Variants in KIF3A observed in about 807,000 individuals in gnomAD.
KIF3A encodes kinesin-like protein KIF3A.
A neutral mutation model predicts 92.6 loss-of-function variants in KIF3A; 27 were observed. The ratio of observed to expected loss-of-function variants is 0.29; its 90% CI spans 0.21 to 0.40. The LOEUF is 0.40. Ranked by LOEUF, KIF3A falls within the 10% of genes least tolerant of loss-of-function variation. KIF3A has a pLI of 1.00. For synonymous variants in KIF3A, 250 were observed against 275.4 expected (o/e 0.91, Z 0.92); for missense variants, 581 against 872.6 (o/e 0.67, Z 4.21).
At position 132,734,395 on chromosome 5, in the gene KIF3A, T is replaced by C; in HGVS notation, c.90A>G (p.Ser30=). 2 of 1,614,184 alleles carry C rather than the reference T, an allele frequency of 1.2e-6. No homozygotes were observed. The highest frequency in any genetic ancestry group is 2.2e-5 in the South Asian group (2 of 91,074). Residue 30 remains serine, a synonymous_variant, in exon 2 of 19, where the codon TCA becomes TCG. Coordinates refer to ENST00000403231, the MANE Select transcript of KIF3A (RefSeq NM_001300791.2). ...RCRPLNEREK[S]MCYKQAVSVD... ...CACTGACAGCCTGTTTGTAGCACAT[T>C]GATTTCTCTCTCTCATTGAGGGGCC...
chr5:132,704,659 A>G (rs1287074084), intron 11 of KIF3A, among the ~76,000 whole-genome samples: 3 of 151,888 alleles, frequency 2.0e-5, no homozygotes, highest in Admixed American at 6.6e-5. Flanking sequence ...TCAGAAAACC[A>G]ATAACACTTT....
intron 8 of KIF3A, among the ~76,000 whole-genome samples, chr5:132,714,799 C>G (rs1001310913): frequency 4.6e-5 from 7 of 152,026 alleles, no homozygotes; most frequent in African/African-American, 1.7e-4. Flanking sequence ...GTATATTTTA[C>G]CACAACAAAA....
At chr5:132,719,338 T>C (rs1415384320) in intron 5 of KIF3A, among the ~76,000 whole-genome samples, 1 of 152,256 alleles carries the variant, frequency 6.6e-6, no homozygotes, top group Non-Finnish European at 1.5e-5. Flanking sequence ...CTAATTTTTC[T>C]ATTAAGATTT....
In KIF3A at chr5:132,715,883, T is replaced by A; in HGVS notation, c.1003A>T (p.Thr335Ser). 1 of 1,604,636 alleles carries A rather than the reference T, an allele frequency of 6.2e-7. No individual in the cohort carries two copies. The highest frequency in any genetic ancestry group is 1.1e-5 in the South Asian group (1 of 88,796). ...TTAGCACGATTGGCATACCGTAATGTACTGATAGTTTCATCATAATTGTAA... is the reference window on the plus strand; with the variant it reads ...TTAGCACGATTGGCATACCGTAATGAACTGATAGTTTCATCATAATTGTAA... ...ADYNYDETIS[T>S]LRYANRAKNI... The change falls in exon 8 of 19, where the codon ACA (threonine) becomes TCA (serine). Residue 335 changes from threonine (T) to serine (S), a missense_variant. Thr to Ser is a moderately conservative substitution (Grantham distance 58, BLOSUM62 1). Around this residue, in one of 5 missense-constraint regions of KIF3A, gnomAD observed 167 missense variants for 205.8 expected, o/e 0.81. Coordinates refer to ENST00000403231, the MANE Select transcript of KIF3A (RefSeq NM_001300791.2).
At chr5:132,716,651 G>A (rs919209006) in intron 6 of KIF3A, among the ~76,000 whole-genome samples, 194 bp downstream of exon 6, 4 of 152,172 alleles carry the variant, frequency 2.6e-5, no homozygotes, top group Non-Finnish European at 2.9e-5. Flanking sequence ...GGTGATCAGT[G>A]TATGGGGGAT....
At chr5:132,714,148 C>T (rs1291334185) in intron 8 of KIF3A, among the ~76,000 whole-genome samples, 8 of 152,076 alleles carry the variant, frequency 5.3e-5, no homozygotes, top group African/African-American at 4.8e-5. Context: ...CCACCCGCCT[C>T]GGCCTCACAA....
At chr5:132,736,867 T>C (rs1305763510) in intron 1 of KIF3A, 11 of 400,614 alleles carry the variant, frequency 2.7e-5, no homozygotes, top group Non-Finnish European at 5.6e-5. Flanking sequence ...TCCTGGAAGA[T>C]AAACATAACA....
downstream of KIF3A, among the ~76,000 whole-genome samples, chr5:132,691,135 CACT>C (rs1449088560): frequency 6.6e-6 from 1 of 152,170 alleles, no homozygotes; most frequent in African/African-American, 2.4e-5. Flanking sequence ...GCACTGTTAC[CACT>C]AAGTAATGGT....
chr5:132,728,988 T>C (rs1269482302), intron 2 of KIF3A, among the ~76,000 whole-genome samples: 1 of 152,064 alleles, frequency 6.6e-6, no homozygotes, highest in African/African-American at 2.4e-5. Flanking sequence ...GCAACCTGGA[T>C]GGAACTAGAG....
At position 132,722,852 on chromosome 5, in the gene KIF3A, T is replaced by C. The variant is rs573582235; in HGVS notation, c.511-2138A>G. Among the ~76,000 whole-genome samples the C allele has an allele frequency of 4.5e-4, 69 of 152,234 alleles. 1 individual carries two copies. The highest frequency in any genetic ancestry group is 8.5e-4 in the Non-Finnish European group (58 of 68,044). ...AACATACCTGTTGACACTGCATTTG[T>C]AGCTGTTACAATTTTGATGATTCTA... On this transcript the variant is annotated intron_variant, in intron 4 of 18. Transcript: ENST00000403231.
chr5:132,732,399 A>G (rs1206964255), intron 2 of KIF3A, among the ~76,000 whole-genome samples: 1 of 152,266 alleles, frequency 6.6e-6, no homozygotes, highest in Non-Finnish European at 1.5e-5. Context: ...ATAGCTAAAA[A>G]GTAGAAACAA....
chr5:132,702,924 T>C lies in KIF3A; in HGVS notation c.1608A>G (p.Lys536=). 2.5e-6 allele frequency: 4 copies of C among 1,613,724 alleles called. No individual in the cohort carries two copies. The highest frequency in any genetic ancestry group is 3.4e-6 in the Non-Finnish European group (4 of 1,179,824). Residue 536 remains lysine, a synonymous_variant, in exon 13 of 19, where the codon AAA becomes AAG. Coordinates refer to ENST00000403231, the MANE Select transcript of KIF3A (RefSeq NM_001300791.2). ...ESNMELEERR[K]RAEQLRRELE... Reference sequence around the variant, plus strand: ...GTTCTCTGCGAAGTTGCTCTGCTCTTTTCCTCCTTTCTTCCAGTTCCATGT... The same window carrying C: ...GTTCTCTGCGAAGTTGCTCTGCTCTCTTCCTCCTTTCTTCCAGTTCCATGT...
intron 4 of KIF3A, chr5:132,723,806 A>G (rs1028461057): frequency 6.6e-6 from 1 of 152,208 alleles, no homozygotes; most frequent in African/African-American, 2.4e-5. Flanking sequence ...AATGGGATCT[A>G]ATTAAACTAA....
At chr5:132,708,855 G>T in intron 10 of KIF3A, 52 bp downstream of exon 10, 1 of 1,234,596 alleles carries the variant, frequency 8.1e-7, no homozygotes, top group Non-Finnish European at 1.2e-6. Flanking sequence ...TGAAGCCCAT[G>T]GGTTATGGAA....
intron 2 of KIF3A, among the ~76,000 whole-genome samples, chr5:132,732,710 C>A (rs1191107862): frequency 1.3e-5 from 2 of 152,140 alleles, no homozygotes; most frequent in Non-Finnish European, 2.9e-5. Context: ...GAGATCAAGA[C>A]CATCCTGGCT....
intron 4 of KIF3A, among the ~76,000 whole-genome samples, chr5:132,722,370 G>A (rs1753853578): frequency 6.6e-6 from 1 of 152,110 alleles, no homozygotes; most frequent in African/African-American, 2.4e-5. Flanking sequence ...GACAAACACA[G>A]TTTATAACAA....
At chr5:132,734,958 T>C (rs1435021769) in intron 1 of KIF3A, among the ~76,000 whole-genome samples, 1 of 152,206 alleles carries the variant, frequency 6.6e-6, no homozygotes, top group Non-Finnish European at 1.5e-5. Context: ...GCTTATCTTC[T>C]CTACAGAAAA....
At chr5:132,736,817 G>A in intron 1 of KIF3A, 1 of 442,678 alleles carries the variant, frequency 2.3e-6, no homozygotes, top group Non-Finnish European at 4.6e-6. Flanking sequence ...AGGGGTCTTA[G>A]AAGGCCCCAT....
chr5:132,714,060 C>A (rs910785916), intron 8 of KIF3A, among the ~76,000 whole-genome samples: 2 of 151,910 alleles, frequency 1.3e-5, no homozygotes, highest in African/African-American at 2.4e-5. Context: ...CCATGCCCAG[C>A]TAATTTTTGT....
Sources: allele counts gnomAD v4.1 joint callset (sites outside exome capture counted in the v4.1 genomes callset), GRCh38; gene constraint gnomAD v4.1.1; regional missense constraint gnomAD v4.1.1; transcripts MANE v1.5; gene names NCBI Gene and HGNC (gene_info 2026-07-23, HGNC 2026-07-21).